GRK3: variants seen among roughly 807,000 people sequenced by gnomAD.
GRK3 encodes the protein adrenergic, beta, receptor kinase 2.
A neutral mutation model predicts 95.7 loss-of-function variants in GRK3; 54 were observed. The observed-to-expected ratio is 0.56, with a 90% CI of 0.45 to 0.71. The LOEUF is 0.71. Ranked by LOEUF, GRK3 falls within the 30% of genes least tolerant of loss-of-function variation. The probability of loss-of-function intolerance (pLI) is 0.00; values close to 1 mark genes in which losing one functional copy is unlikely to be tolerated. For synonymous variants in GRK3, 281 were observed against 290.8 expected, an observed-to-expected ratio of 0.97 and a Z score of 0.34; for missense variants, 649 against 851.2, an observed-to-expected ratio of 0.76 and a Z score of 2.96.
At chr22:25,610,399 C>T (rs112392543) in intron 2 of GRK3, among the ~76,000 whole-genome samples, 3,000 of 152,234 alleles carry the variant, frequency 0.02, 46 homozygotes, top group Non-Finnish European at 0.028. Flanking sequence ...CCTTGGATTT[C>T]GAGGCCTTAG....
intron 3 of GRK3, among the ~76,000 whole-genome samples, chr22:25,654,593 C>A (rs74432969): frequency 0.022 from 3,406 of 152,160 alleles, 61 homozygotes; most frequent in Middle Eastern, 0.068. Flanking sequence ...GATACGTATC[C>A]CAGCTTGATC....
intron 11 of GRK3, among the ~76,000 whole-genome samples, chr22:25,688,775 A>G (rs1330574073): frequency 6.6e-6 from 1 of 152,246 alleles, no homozygotes; most frequent in African/African-American, 2.4e-5. Flanking sequence ...ACCTAGTTGT[A>G]TGGCCAACAG....
intron 2 of GRK3, among the ~76,000 whole-genome samples, chr22:25,631,913 C>T (rs747861744): frequency 3.4e-4 from 52 of 152,120 alleles, no homozygotes; most frequent in Non-Finnish European, 6.2e-4. Flanking sequence ...AGTTCATTCC[C>T]GTGTATTGGG....
chr22:25,617,605 A>T (rs1601477478), intron 2 of GRK3, among the ~76,000 whole-genome samples: 11 of 152,178 alleles, frequency 7.2e-5, no homozygotes, highest in Admixed American at 6.5e-4. Flanking sequence ...GGTTCAACCC[A>T]CCCCAGCCCT....
At chr22:25,614,096 G>C (rs1569164450) in intron 2 of GRK3, among the ~76,000 whole-genome samples, 1 of 152,072 alleles carries the variant, frequency 6.6e-6, no homozygotes, top group East Asian at 1.9e-4. Flanking sequence ...GCACTGATTT[G>C]CCAGCTAGCA....
chr22:25,710,751 C>G lies in GRK3; in HGVS notation c.1396-317C>G, dbSNP rs113408060. 5.2e-3 allele frequency among the ~76,000 whole-genome samples: 790 copies of G among 152,312 alleles called. 7 individuals are homozygous for G. The highest frequency in any genetic ancestry group is 0.018 in the African/African-American group (766 of 41,560). ...ACCCAAAGGTGGTGTTGCGTCCTCT[C>G]AGAGAATGTGCTTTCTTAAGCTGAG... On this transcript the variant is annotated intron_variant, in intron 16 of 20. Transcript: ENST00000324198.
At chr22:25,604,344 T>C (rs1466260508) in intron 1 of GRK3, 33 bp from the exon 2 acceptor site, 2 of 1,523,458 alleles carry the variant, frequency 1.3e-6, no homozygotes, top group Non-Finnish European at 1.8e-6. Flanking sequence ...ATGTAGGCTG[T>C]ATTGTTAAAA....
Position 25,599,591 on chromosome 22 carries a change from CAA to C in GRK3, c.114-4772_114-4771del, listed in dbSNP as rs35202175. Among the ~76,000 whole-genome samples the C allele has an allele frequency of 2.9e-3, 242 of 82,356 alleles. 1 individual carries two copies. The highest frequency in any genetic ancestry group is 7.4e-3 in the African/African-American group (223 of 30,122). The allele number at this position is 82,356 out of a possible 152,430, so 54.0% of individuals were successfully genotyped here. ...TAGGTGACAGAGCGAGACTCTGTCTCAAAAAAAAAAAAAAAGAAAAGAAAAAA... is the reference window on the plus strand; with the variant it reads ...TAGGTGACAGAGCGAGACTCTGTCTCAAAAAAAAAAAAAGAAAAGAAAAAA... On this transcript the variant is annotated intron_variant, in intron 1 of 20. Coordinates refer to ENST00000324198, the MANE Select transcript of GRK3 (RefSeq NM_005160.4).
intron 3 of GRK3, among the ~76,000 whole-genome samples, chr22:25,645,640 A>G (rs1033549307): frequency 6.6e-6 from 1 of 152,160 alleles, no homozygotes; most frequent in African/African-American, 2.4e-5. Context: ...GGATCAAAGC[A>G]GGCCAGGCAC....
chr22:25,678,758 T>C lies in GRK3; in HGVS notation c.648-58T>C, dbSNP rs199846039. On this transcript the variant is annotated intron_variant, in intron 8 of 20. Coordinates refer to ENST00000324198, the MANE Select transcript of GRK3 (RefSeq NM_005160.4). The stretch of plus-strand genomic sequence containing the variant: ...ACTTGCCCCAGAGTGACATATATTG[T>C]TTAAATTAGTCTAGATATATTTACG... The C allele has an allele frequency of 3.6e-4, 387 of 1,063,662 alleles. No homozygotes were observed. The East Asian group carries it at 9.3e-3, about 25-fold the overall frequency. 65.9% of individuals were successfully genotyped at this position (1,063,662 alleles called of 1,614,324 possible).
intron 2 of GRK3, among the ~76,000 whole-genome samples, chr22:25,605,218 G>A (rs1411228134): frequency 6.6e-6 from 1 of 152,226 alleles, no homozygotes. Flanking sequence ...GGACGGAGTG[G>A]TTTGGAGAAG....
chr22:25,598,059 C>T (rs2084384077), intron 1 of GRK3, among the ~76,000 whole-genome samples: 1 of 152,088 alleles, frequency 6.6e-6, no homozygotes, highest in Non-Finnish European at 1.5e-5. Flanking sequence ...ATGTAAAAGC[C>T]ATCGAATGTA....
intron 1 of GRK3, among the ~76,000 whole-genome samples, chr22:25,598,579 G>A (rs112338807): frequency 0.02 from 2,978 of 151,878 alleles, 45 homozygotes; most frequent in Non-Finnish European, 0.028. Context: ...AGAGTCTGAG[G>A]TGAGAGAATT....
intron 2 of GRK3, among the ~76,000 whole-genome samples, chr22:25,611,034 G>C (rs1257795489): frequency 6.6e-6 from 1 of 151,988 alleles, no homozygotes; most frequent in Non-Finnish European, 1.5e-5. Context: ...GCTAATTTTT[G>C]TATTTTTAGT....
chr22:25,564,975 G>A lies in GRK3; in HGVS notation c.-66G>A, dbSNP rs1044177155. 6.8e-6 allele frequency: 3 copies of A among 443,016 alleles called. No individual in the cohort carries two copies. The highest frequency in any genetic ancestry group is 9.2e-6 in the Non-Finnish European group (3 of 325,184). 27.4% of individuals were successfully genotyped at this position (443,016 alleles called of 1,614,324 possible). A position where few individuals can be genotyped will look rare whatever the true frequency, so the allele number is the denominator to read the frequency against. On this transcript the variant is annotated 5_prime_UTR_variant, in exon 1 of 21. Coordinates refer to ENST00000324198, the MANE Select transcript of GRK3 (RefSeq NM_005160.4). ...CCCAGGTCGGGGCGCGGCGGGCGGCGGCGGCGGGCGCGCGTCCCGTCCAGG... is the reference window on the plus strand; with the variant it reads ...CCCAGGTCGGGGCGCGGCGGGCGGCAGCGGCGGGCGCGCGTCCCGTCCAGG...
At chr22:25,669,527 A>G (rs1170723615) in intron 6 of GRK3, among the ~76,000 whole-genome samples, 1 of 152,192 alleles carries the variant, frequency 6.6e-6, no homozygotes, top group African/African-American at 2.4e-5. Context: ...TCTTCTCTCC[A>G]AGATCCTTTG....
At position 25,667,575 on chromosome 22, in the gene GRK3, T is replaced by A. The variant is rs79244716; in HGVS notation, c.442-164T>A. Among the ~76,000 whole-genome samples, 6 of 151,986 alleles carry A rather than the reference T, an allele frequency of 3.9e-5. No individual in the cohort carries two copies. In the East Asian group the frequency reaches 1.2e-3, roughly 29 times the overall value. On this transcript the variant is annotated intron_variant, in intron 5 of 20. Transcript: ENST00000324198. ...AGTGGTGTAGATAAATATTGATGAA[T>A]GCATTAGTGAATATTAGACAAGCAC...
At chr22:25,579,653 T>C (rs1022128750) in intron 1 of GRK3, among the ~76,000 whole-genome samples, 1 of 151,820 alleles carries the variant, frequency 6.6e-6, no homozygotes, top group African/African-American at 2.4e-5. Context: ...TTTGTATTTT[T>C]AGTAGAGACG....
At chr22:25,661,418 A>T (rs2084908542) in intron 3 of GRK3, among the ~76,000 whole-genome samples, 158 bp from the exon 4 acceptor site, 1 of 152,214 alleles carries the variant, frequency 6.6e-6, no homozygotes, top group Non-Finnish European at 1.5e-5. Flanking sequence ...CAACTTCATT[A>T]TTACAACATT....
Sources: gnomAD v4.1 joint callset for allele counts (sites outside exome capture counted in the v4.1 genomes callset) on GRCh38, gnomAD v4.1.1 for gene constraint, MANE v1.5 for transcripts, NCBI Gene and HGNC (gene_info 2026-07-23, HGNC 2026-07-21) for gene names.